Variants in ANK1 observed in about 807,000 individuals in gnomAD.
ANK1 encodes the protein ankyrin-1.
ANK1 carries 51 observed loss-of-function variants against 210.4 expected under a neutral mutation model. The ratio of observed to expected loss-of-function variants is 0.24; its 90% confidence interval spans 0.19 to 0.31. The LOEUF is 0.31. Ranked by LOEUF, ANK1 falls within the 10% of genes least tolerant of loss-of-function variation. The pLI is 1.00. For synonymous variants in ANK1, 967 were observed against 1,025.9 expected (o/e 0.94, Z 1.10); for missense variants, 2,051 against 2,504.4 (o/e 0.82, Z 3.86).
At chr8:41,860,153 G>T (rs1249154671) in intron 1 of ANK1, among the ~76,000 whole-genome samples, 2 of 152,320 alleles carry the variant, frequency 1.3e-5, no homozygotes, top group East Asian at 3.9e-4. Flanking sequence ...GAGCCTGTGT[G>T]CTAGATGGAC....
chr8:41,675,501 C>T (rs1283042760), intron 37 of ANK1, among the ~76,000 whole-genome samples: 4 of 152,208 alleles, frequency 2.6e-5, no homozygotes, highest in Non-Finnish European at 5.9e-5. Context: ...TAGGAAACTA[C>T]AGGTTTAGCA....
At chr8:41,699,676 G>T in intron 22 of ANK1, 128 bp from the exon 23 acceptor site, 1 of 842,776 alleles carries the variant, frequency 1.2e-6, no homozygotes. Context: ...TCTTGATGCT[G>T]CAAGGAGACT....
intron 1 of ANK1, among the ~76,000 whole-genome samples, chr8:41,820,327 A>ATGTGTGTGTGTGTGTGTGTG: frequency 7.0e-6 from 1 of 142,844 alleles, no homozygotes; most frequent in Non-Finnish European, 1.5e-5. Context: ...ACCAAGCTAA[A>ATGTGTGTGTGTGTGTGTGTG]TGTGTGTGTG....
chr8:41,769,977 C>CTTTTTTTTTTTT (rs59542968), intron 1 of ANK1, among the ~76,000 whole-genome samples: 21 of 86,656 alleles, frequency 2.4e-4, no homozygotes, highest in South Asian at 4.3e-4. Flanking sequence ...TTTCTTTTTT[C>CTTTTTTTTTTTT]TTTTTTTTTT....
At chr8:41,688,948 A>G (rs945259382) in intron 33 of ANK1, among the ~76,000 whole-genome samples, 1 of 152,216 alleles carries the variant, frequency 6.6e-6, no homozygotes, top group Non-Finnish European at 1.5e-5. Context: ...CTTGCCCAAG[A>G]TCACCCAGTT....
Position 41,750,041 on chromosome 8 carries a change from A to G in ANK1, c.129+7995T>C, listed in dbSNP as rs954395769. On this transcript the variant is annotated intron_variant, in intron 2 of 42. Coordinates refer to ENST00000289734, the MANE Select transcript of ANK1 (RefSeq NM_000037.4). ...GAAATTGAATGCCGTGAGCTCCACT[A>G]AGCCCTAAGATTCTATAGCTTGGAA... is the stretch of plus-strand genomic sequence containing the variant. 5.3e-5 allele frequency among the ~76,000 whole-genome samples: 8 copies of G among 152,358 alleles called. 1 individual carries two copies. The highest frequency in any genetic ancestry group is 1.5e-5 in the Non-Finnish European group (1 of 68,034).
In ANK1 at chr8:41,654,181, G is replaced by C. The variant is rs78203311; in HGVS notation, c.*1609C>G. 0.045 allele frequency: 6,832 copies of C among 152,752 alleles called. 218 individuals carry two copies. The highest frequency in any genetic ancestry group is 0.085 in the African/African-American group (3,536 of 41,556). The allele number at this position is 152,752 out of a possible 1,614,324, so 9.5% of individuals were successfully genotyped here. ...CTGGCCCTGGGGGCGCCCGCCGCGA[G>C]GGCGGGGCCGGGATTGTGCTGATTC... is the stretch of plus-strand genomic sequence containing the variant. On this transcript the variant is annotated 3_prime_UTR_variant, in exon 43 of 43. Coordinates refer to ENST00000289734, the MANE Select transcript of ANK1 (RefSeq NM_000037.4).
At chr8:41,764,385 C>T (rs11997827) in intron 1 of ANK1, among the ~76,000 whole-genome samples, 46,230 of 152,044 alleles carry the variant, frequency 0.3, 7,209 homozygotes, top group South Asian at 0.38. Context: ...GGGCAGGAGG[C>T]GTGTCCAAAG....
rs541164192 is a variant in ANK1 at position 41,772,481 on chromosome 8, C to T, written c.28-14344G>A. Among the ~76,000 whole-genome samples, 46 of 152,288 alleles carry T rather than the reference C, an allele frequency of 3.0e-4. 1 individual carries two copies. The South Asian group carries it at 7.7e-3, about 25-fold the overall frequency. On this transcript the variant is annotated intron_variant, in intron 1 of 42. Coordinates refer to ENST00000289734, the MANE Select transcript of ANK1 (RefSeq NM_000037.4). ...TAAAGCTTTTGTCAAAGGTTAATGT[C>T]TCCCCCAGAGGTGTGGGTTGTCACT...
At chr8:41,693,300 T>C in intron 29 of ANK1, 99 bp from the exon 30 acceptor site, 1 of 1,107,276 alleles carries the variant, frequency 9.0e-7, no homozygotes, top group Non-Finnish European at 1.4e-6. Context: ...TGAGACTGGG[T>C]GAAGCTCACT....
intron 1 of ANK1, among the ~76,000 whole-genome samples, chr8:41,854,580 G>A (rs1166221571): frequency 1.3e-5 from 2 of 152,196 alleles, no homozygotes; most frequent in Non-Finnish European, 2.9e-5. Flanking sequence ...GGGAGGCAGT[G>A]AGGGCCTTCC....
chr8:41,804,613 A>G (rs1260669708), intron 1 of ANK1, among the ~76,000 whole-genome samples: 7 of 152,152 alleles, frequency 4.6e-5, no homozygotes, highest in African/African-American at 1.4e-4. Context: ...GGTCTTTTTC[A>G]ATGAGAGGGT....
intron 1 of ANK1, among the ~76,000 whole-genome samples, chr8:41,858,469 TGTGGGCTGTACC>T: frequency 6.6e-6 from 1 of 152,324 alleles, no homozygotes; most frequent in South Asian, 2.1e-4. Context: ...GGGGAGGCCC[TGTGGGCTGTACC>T]CCAAGCTGGG....
intron 1 of ANK1, among the ~76,000 whole-genome samples, chr8:41,864,820 G>A (rs756016343): frequency 2.0e-5 from 3 of 152,116 alleles, no homozygotes; most frequent in Non-Finnish European, 4.4e-5. Context: ...TCGGCTCCCT[G>A]ACCAAAGCCA....
chr8:41,797,032 C>T lies in ANK1; in HGVS notation c.27+480G>A, dbSNP rs1347142013. On this transcript the variant is annotated intron_variant, in intron 1 of 42. Coordinates refer to ENST00000289734, the MANE Select transcript of ANK1 (RefSeq NM_000037.4). This position sits in a 1 kb window ranked among gnomAD's most constrained non-coding sequence, Gnocchi z 4.0. ...CGAGCAGGTGTGACCATGAGACCAC[C>T]GGCCTCCGTGAGTCTTTGAGAAAAC... is the stretch of plus-strand genomic sequence containing the variant. Among the ~76,000 whole-genome samples, 1 of 152,148 alleles carries T rather than the reference C, an allele frequency of 6.6e-6. No individual in the cohort carries two copies. The highest frequency in any genetic ancestry group is 1.5e-5 in the Non-Finnish European group (1 of 68,032).
Position 41,694,811 on chromosome 8 carries a change from C to T in ANK1, c.3116-8G>A, listed in dbSNP as rs772157964. Reference sequence around the variant, plus strand: ...CCTCCAGGCTCCCCAGCTCTGGAATCACACACACAGGCCACCACCCCGGTC... The same window carrying T: ...CCTCCAGGCTCCCCAGCTCTGGAATTACACACACAGGCCACCACCCCGGTC... On this transcript the variant is annotated splice_polypyrimidine_tract_variant and splice_region_variant and intron_variant, in intron 27 of 42. Coordinates refer to ENST00000289734, the MANE Select transcript of ANK1 (RefSeq NM_000037.4). This position sits in a 1 kb window ranked among gnomAD's most constrained non-coding sequence, Gnocchi z 5.7. 6.2e-7 allele frequency: 1 copy of T among 1,613,622 alleles called. No individual in the cohort carries two copies. The highest frequency in any genetic ancestry group is 8.5e-7 in the Non-Finnish European group (1 of 1,179,714).
intron 20 of ANK1, among the ~76,000 whole-genome samples, chr8:41,703,448 A>ATTTTTTTTT (rs1198353842): frequency 3.3e-5 from 2 of 60,184 alleles, no homozygotes; most frequent in African/African-American, 1.4e-4. Flanking sequence ...ATATATATAT[A>ATTTTTTTTT]TATTTTTTTT....
chr8:41,748,788 C>G (rs1455199242), intron 2 of ANK1, among the ~76,000 whole-genome samples: 1 of 152,222 alleles, frequency 6.6e-6, no homozygotes, highest in Non-Finnish European at 1.5e-5. Context: ...GTAATCCCAG[C>G]ACTTTGGGAG....
intron 21 of ANK1, 113 bp from the exon 22 acceptor site, chr8:41,701,735 A>C: frequency 5.3e-6 from 6 of 1,123,002 alleles, no homozygotes; most frequent in Non-Finnish European, 7.9e-6. Flanking sequence ...GAAGAAAAAC[A>C]GACGGAGGAG....
Sources: gnomAD v4.1 joint callset for allele counts (sites outside exome capture counted in the v4.1 genomes callset) on GRCh38, gnomAD v4.1.1 for gene constraint, Gnocchi (gnomAD v3.1) non-coding constraint, MANE v1.5 for transcripts, NCBI Gene and HGNC (gene_info 2026-07-23, HGNC 2026-07-21) for gene names.